The following ACSM2A variants were observed in gnomAD, a reference collection of about 807,000 sequenced individuals.
The protein encoded by ACSM2A is acyl-CoA synthetase medium chain family member 2A, also known as acyl-coenzyme A synthetase ACSM2A, mitochondrial.
Under a neutral mutation model 76.6 loss-of-function variants are expected in ACSM2A, and 72 were observed. The observed-to-expected ratio is 0.94, with a 90% CI of 0.78 to 1.14. The LOEUF (loss-of-function observed/expected upper bound fraction) is 1.14, where lower values mean the gene tolerates loss of function less well. Ranked by LOEUF, ACSM2A falls within the 50% of genes most tolerant of loss-of-function variation. The probability of loss-of-function intolerance (pLI) is 0.00; values close to 1 mark genes in which losing one functional copy is unlikely to be tolerated. For synonymous variants in ACSM2A, 249 were observed against 255.9 expected (o/e 0.97, Z 0.26); for missense variants, 684 against 708.5 (o/e 0.97, Z 0.39).
intron 12 of ACSM2A, chr16:20,482,604 A>T (rs2014147836): frequency 6.1e-6 from 1 of 162,958 alleles, no homozygotes; most frequent in African/African-American, 2.4e-5. Context: ...TCCCCTGCTG[A>T]GAAAATCCTG....
intron 1 of ACSM2A, among the ~76,000 whole-genome samples, chr16:20,454,983 A>T (rs1327378616): frequency 2.0e-5 from 3 of 151,652 alleles, no homozygotes. Flanking sequence ...TTTAGGAAAT[A>T]AAGAACACAG....
At chr16:20,476,300 T>C in intron 8 of ACSM2A, 4 of 978,844 alleles carry the variant, frequency 4.1e-6, no homozygotes, top group Non-Finnish European at 4.9e-6. Flanking sequence ...TGCTATTCTA[T>C]ACTATTTTAC....
intron 9 of ACSM2A, among the ~76,000 whole-genome samples, chr16:20,478,352 C>A (rs1220680642): frequency 6.6e-6 from 1 of 152,178 alleles, no homozygotes. Context: ...TCTCCCCAGG[C>A]TCATCTGGGC....
At chr16:20,486,203 A>G (rs1036215155) in intron 13 of ACSM2A, among the ~76,000 whole-genome samples, 4 of 152,236 alleles carry the variant, frequency 2.6e-5, no homozygotes, top group Admixed American at 6.5e-5. Flanking sequence ...ATTATCCTCC[A>G]TCTTACTCAG....
intron 3 of ACSM2A, among the ~76,000 whole-genome samples, chr16:20,467,747 C>T (rs1192552151): frequency 1.3e-5 from 2 of 152,036 alleles, no homozygotes; most frequent in Non-Finnish European, 2.9e-5. Flanking sequence ...TCCAGGATGT[C>T]CATGTGATGT....
intron 1 of ACSM2A, among the ~76,000 whole-genome samples, chr16:20,454,376 C>A (rs1396561578): frequency 6.6e-6 from 1 of 152,006 alleles, no homozygotes; most frequent in Non-Finnish European, 1.5e-5. Flanking sequence ...ACTTTGTAAA[C>A]TCCAATGAAC....
chr16:20,462,660 A>G (rs916893744), intron 2 of ACSM2A, among the ~76,000 whole-genome samples: 3 of 152,172 alleles, frequency 2.0e-5, no homozygotes, highest in African/African-American at 7.2e-5. Context: ...AGACTCTTTC[A>G]GGGGATATGC....
intron 9 of ACSM2A, among the ~76,000 whole-genome samples, chr16:20,477,986 A>T (rs1459044778): frequency 6.6e-6 from 1 of 152,138 alleles, no homozygotes; most frequent in Non-Finnish European, 1.5e-5. Context: ...GAGAACTAGA[A>T]TTTGTGTTTG....
intron 1 of ACSM2A, among the ~76,000 whole-genome samples, chr16:20,458,992 G>A (rs1483863279): frequency 5.3e-5 from 7 of 133,064 alleles, no homozygotes; most frequent in South Asian, 2.4e-4. Flanking sequence ...AGTGGCATTC[G>A]CAGCAACCTG....
intron 12 of ACSM2A, chr16:20,482,134 C>CAAAAAAAAAAAAAAAAAAAAAAA (rs768615976): frequency 6.0e-5 from 3 of 49,714 alleles, no homozygotes; most frequent in African/African-American, 1.2e-4. Context: ...GACTCTGTCT[C>CAAAAAAAAAAAAAAAAAAAAAAA]AAAAAAAAAA....
intron 10 of ACSM2A, among the ~76,000 whole-genome samples, chr16:20,480,329 A>G (rs2014012252): frequency 6.6e-6 from 1 of 152,248 alleles, no homozygotes; most frequent in Admixed American, 6.5e-5. Flanking sequence ...CATCAATAAT[A>G]TCTATCAGAC....
chr16:20,459,000 C>T (rs1053735267), intron 1 of ACSM2A, among the ~76,000 whole-genome samples: 2 of 137,668 alleles, frequency 1.5e-5, no homozygotes, highest in Admixed American at 7.4e-5. Context: ...TCGCAGCAAC[C>T]TGGATGGGAT....
chr16:20,477,585 G>T, intron 9 of ACSM2A, 136 bp downstream of exon 9: 3 of 1,424,534 alleles, frequency 2.1e-6, no homozygotes, highest in Non-Finnish European at 2.8e-6. Flanking sequence ...AAAGGAGGTA[G>T]GGAGGTTGGG....
intron 3 of ACSM2A, among the ~76,000 whole-genome samples, chr16:20,466,913 A>G (rs750232194): frequency 2.0e-4 from 31 of 152,192 alleles, no homozygotes; most frequent in Non-Finnish European, 3.4e-4. Context: ...TTATTTTTCT[A>G]AAGGCAGTTT....
chr16:20,477,316 G>C (rs2013803428), intron 8 of ACSM2A, 53 bp from the exon 9 acceptor site: 1 of 1,571,302 alleles, frequency 6.4e-7, no homozygotes, highest in South Asian at 1.2e-5. Flanking sequence ...TTCTTTTTCT[G>C]TGACCTTGTA....
At chr16:20,460,035 C>T (rs1193504550) in intron 1 of ACSM2A, 72 bp from the exon 2 acceptor site, 1 of 1,466,514 alleles carries the variant, frequency 6.8e-7, no homozygotes, top group Non-Finnish European at 9.1e-7. Context: ...GATGAATCTC[C>T]TGAAGCTGCT....
At chr16:20,477,929 T>G (rs2013846077) in intron 9 of ACSM2A, among the ~76,000 whole-genome samples, 1 of 152,158 alleles carries the variant, frequency 6.6e-6, no homozygotes, top group Non-Finnish European at 1.5e-5. Context: ...TACACTATAA[T>G]GAATGTGTAG....
chr16:20,458,421 T>C (rs1170326615), intron 1 of ACSM2A, among the ~76,000 whole-genome samples: 3 of 138,566 alleles, frequency 2.2e-5, no homozygotes, highest in African/African-American at 2.7e-5. Context: ...ATATATAGTA[T>C]ATGCAGTTAT....
chr16:20,477,086 G>A lies in ACSM2A; in HGVS notation c.1099-283G>A, dbSNP rs559325178. On this transcript the variant is annotated intron_variant, in intron 8 of 13. Coordinates refer to ENST00000573854, the MANE Select transcript of ACSM2A (RefSeq NM_001308172.2). The stretch of plus-strand genomic sequence containing the variant: ...AAGGGCTTTGGGTATCCATAGTGTC[G>A]TATTAAAATGTGGTTCCCCCTAAAA... The A allele has an allele frequency of 2.5e-4, 92 of 366,240 alleles. No homozygotes were observed. In the South Asian group the frequency reaches 4.2e-3, roughly 17 times the overall value. The allele number at this position is 366,240 out of a possible 1,614,324, so 22.7% of individuals were successfully genotyped here. A position where few individuals can be genotyped will look rare whatever the true frequency, so the allele number is the denominator to read the frequency against.
Sources: allele counts gnomAD v4.1 joint callset (sites outside exome capture counted in the v4.1 genomes callset), GRCh38; gene constraint gnomAD v4.1.1; transcripts MANE v1.5; gene names NCBI Gene and HGNC (gene_info 2026-07-23, HGNC 2026-07-21).